Variants in GFOD1 observed in about 807,000 individuals in gnomAD.
GFOD1 encodes the protein glucose-fructose oxidoreductase domain-containing protein 1.
A neutral mutation model predicts 25.4 loss-of-function variants in GFOD1; 9 were observed. The ratio of observed to expected loss-of-function variants is 0.35; its 90% CI spans 0.21 to 0.62. The LOEUF (loss-of-function observed/expected upper bound fraction) is 0.62. Ranked by LOEUF, GFOD1 falls within the 20% of genes least tolerant of loss-of-function variation. The probability of loss-of-function intolerance (pLI) is 0.72; values close to 1 mark genes in which losing one functional copy is unlikely to be tolerated. For missense variants in GFOD1, 403 were observed against 556.9 expected (o/e 0.72, Z 2.78); for synonymous variants, 253 against 245.6 (o/e 1.03, Z -0.28).
intron 1 of GFOD1, among the ~76,000 whole-genome samples, chr6:13,483,754 C>G (rs1758806877): frequency 6.6e-6 from 1 of 152,140 alleles, no homozygotes; most frequent in African/African-American, 2.4e-5. Flanking sequence ...ACAGGTACAG[C>G]TGATGGAAGA....
intron 1 of GFOD1, among the ~76,000 whole-genome samples, chr6:13,433,740 A>G (rs1757788765): frequency 2.0e-5 from 3 of 151,730 alleles, no homozygotes; most frequent in Non-Finnish European, 2.9e-5. Flanking sequence ...TTGCATTGAG[A>G]GGTGACATTG....
At position 13,364,773 on chromosome 6, in the gene GFOD1, C is replaced by T; in HGVS notation, c.1143G>A (p.Met381Ile). The T allele has an allele frequency of 6.2e-7, 1 of 1,613,602 alleles. No homozygotes were observed. Among genetic ancestry groups the T allele is most frequent in the Non-Finnish European group, 8.5e-7 (1 of 1,179,898 alleles). The stretch of plus-strand genomic sequence containing the variant: ...AGTAGAGGGACATCCTGCTGCGGCG[C>T]ATGGCCTCGCTGATCAGGTAGGCGG... ...LSPAYLISEA[M>I]RRSRMSLYC Residue 381 changes from methionine (M) to isoleucine (I), a missense_variant, in exon 2 of 2, where the codon ATG becomes ATA. Transcript: ENST00000379287. The surrounding 1 kb of genome is among the most constrained non-coding windows in gnomAD (Gnocchi z 4.1).
At chr6:13,384,797 T>C (rs868568280) in intron 1 of GFOD1, among the ~76,000 whole-genome samples, 1 of 152,226 alleles carries the variant, frequency 6.6e-6, no homozygotes, top group Non-Finnish European at 1.5e-5. Flanking sequence ...AAATAATCAA[T>C]TGCCTCTTAA....
chr6:13,388,752 C>T (rs980205471), intron 1 of GFOD1, among the ~76,000 whole-genome samples: 6 of 152,096 alleles, frequency 3.9e-5, no homozygotes, highest in Admixed American at 3.9e-4. Flanking sequence ...CAAAAGCCAA[C>T]ATTGACAAAT....
chr6:13,464,589 C>T (rs1758347656), intron 1 of GFOD1, among the ~76,000 whole-genome samples: 3 of 152,204 alleles, frequency 2.0e-5, no homozygotes, highest in Admixed American at 6.5e-5. Context: ...GGGTGACACA[C>T]TTTTCCGGAT....
At chr6:13,444,653 T>C (rs1371732877) in intron 1 of GFOD1, among the ~76,000 whole-genome samples, 4 of 152,192 alleles carry the variant, frequency 2.6e-5, no homozygotes. Flanking sequence ...ATAGAACGTT[T>C]TATGTCTAAG....
At chr6:13,382,658 T>TA (rs34103365) in intron 1 of GFOD1, among the ~76,000 whole-genome samples, 1 of 151,988 alleles carries the variant, frequency 6.6e-6, no homozygotes, top group African/African-American at 2.4e-5. Context: ...CACAGACTTT[T>TA]AAAAAAAAAT....
intron 1 of GFOD1, among the ~76,000 whole-genome samples, chr6:13,378,108 T>A (rs905559362): frequency 6.6e-6 from 1 of 152,150 alleles, no homozygotes; most frequent in African/African-American, 2.4e-5. Context: ...TTGGCTCACT[T>A]AAGCACCACT....
intron 1 of GFOD1, among the ~76,000 whole-genome samples, chr6:13,388,136 A>G (rs1393646003): frequency 1.3e-5 from 2 of 152,250 alleles, no homozygotes; most frequent in Non-Finnish European, 2.9e-5. Context: ...ATGGAAGATC[A>G]TTCCATGCTC....
At chr6:13,419,208 C>A (rs997388671) in intron 1 of GFOD1, among the ~76,000 whole-genome samples, 1 of 152,126 alleles carries the variant, frequency 6.6e-6, no homozygotes, top group Non-Finnish European at 1.5e-5. Flanking sequence ...TCTTCCAAAA[C>A]GAGATGGAGG....
intron 1 of GFOD1, among the ~76,000 whole-genome samples, chr6:13,465,624 C>T (rs1361841717): frequency 2.0e-5 from 3 of 152,170 alleles, no homozygotes; most frequent in African/African-American, 7.2e-5. Context: ...TGGGGTGCGG[C>T]CTGGGCTTCA....
intron 1 of GFOD1, among the ~76,000 whole-genome samples, chr6:13,454,439 G>C (rs1303666593): frequency 6.6e-6 from 1 of 152,160 alleles, no homozygotes; most frequent in Non-Finnish European, 1.5e-5. Context: ...CATAATAATT[G>C]CACCTTTGTT....
At chr6:13,458,746 T>C (rs1758236417) in intron 1 of GFOD1, among the ~76,000 whole-genome samples, 1 of 97,526 alleles carries the variant, frequency 1.0e-5, no homozygotes, top group Admixed American at 1.5e-4. Flanking sequence ...AAGACTCCAT[T>C]TCCCCTTGAG....
intron 1 of GFOD1, among the ~76,000 whole-genome samples, chr6:13,477,743 A>C (rs1758658343): frequency 6.6e-6 from 1 of 152,138 alleles, no homozygotes; most frequent in African/African-American, 2.4e-5. Flanking sequence ...TGAAATGCCA[A>C]ATGTGTATTT....
intron 1 of GFOD1, among the ~76,000 whole-genome samples, chr6:13,438,722 C>T (rs1029118715): frequency 2.0e-5 from 3 of 152,090 alleles, no homozygotes; most frequent in South Asian, 2.1e-4. Context: ...GGTTCAGTGA[C>T]GAAGTACTGA....
chr6:13,422,602 T>C (rs1786279103), intron 1 of GFOD1, among the ~76,000 whole-genome samples: 1 of 152,144 alleles, frequency 6.6e-6, no homozygotes, highest in Non-Finnish European at 1.5e-5. Flanking sequence ...CTCCAATCCT[T>C]TGCAAGTAAG....
intron 1 of GFOD1, among the ~76,000 whole-genome samples, chr6:13,478,164 T>C (rs1758670163): frequency 1.3e-5 from 2 of 152,216 alleles, no homozygotes; most frequent in Non-Finnish European, 2.9e-5. Context: ...GAGACAGAGT[T>C]TTTTTCATTT....
chr6:13,480,280 G>C (rs1369703187), intron 1 of GFOD1, among the ~76,000 whole-genome samples: 1 of 152,190 alleles, frequency 6.6e-6, no homozygotes, highest in Non-Finnish European at 1.5e-5. Context: ...TTCACCAAGA[G>C]AGTCTGCACT....
chr6:13,438,676 C>A (rs1286959302), intron 1 of GFOD1, among the ~76,000 whole-genome samples: 2 of 152,104 alleles, frequency 1.3e-5, no homozygotes, highest in Non-Finnish European at 2.9e-5. Flanking sequence ...GTAAAATGAA[C>A]ACCCACTGTT....
Sources: gnomAD v4.1 joint callset for allele counts (sites outside exome capture counted in the v4.1 genomes callset) on GRCh38, gnomAD v4.1.1 for gene constraint, Gnocchi (gnomAD v3.1) non-coding constraint, MANE v1.5 for transcripts, NCBI Gene and HGNC (gene_info 2026-07-23, HGNC 2026-07-21) for gene names.